The following ZFHX3 variants were observed in gnomAD, a reference collection of about 807,000 sequenced individuals.
ZFHX3 encodes zinc finger homeobox protein 3.
In ZFHX3, 42 loss-of-function variants were observed where a neutral mutation model predicts 279.1. The observed-to-expected ratio is 0.15, with a 90% CI of 0.12 to 0.19. The LOEUF (loss-of-function observed/expected upper bound fraction) is 0.19. ZFHX3 is among the 10% of genes least tolerant of loss of function. The pLI, the probability that ZFHX3 is intolerant of heterozygous loss-of-function variation, is 1.00. For missense variants in ZFHX3, 4,981 were observed against 4,754.0 expected (o/e 1.05, Z -1.40); for synonymous variants, 2,293 against 1,957.8 (o/e 1.17, Z -4.52).
At chr16:73,256,982 T>G (rs909142872) in intron 5 of ZFHX3, 1 of 151,950 alleles carries the variant, frequency 6.6e-6, no homozygotes, top group South Asian at 2.1e-4. Flanking sequence ...AAACAACTGG[T>G]GAGAACTTCA....
chr16:73,219,710 T>G (rs1385052600), intron 5 of ZFHX3, among the ~76,000 whole-genome samples: 1 of 152,198 alleles, frequency 6.6e-6, no homozygotes, highest in Non-Finnish European at 1.5e-5. Flanking sequence ...TGGTCCTATC[T>G]TGGAATCAGG....
intron 8 of ZFHX3, among the ~76,000 whole-genome samples, chr16:73,073,859 T>A (rs1193657941): frequency 1.3e-5 from 2 of 152,230 alleles, no homozygotes; most frequent in African/African-American, 2.4e-5. Flanking sequence ...GAAATTATTG[T>A]TGTGGCTTTT....
intron 5 of ZFHX3, among the ~76,000 whole-genome samples, chr16:73,150,343 T>C (rs773941043): frequency 3.9e-5 from 6 of 152,186 alleles, no homozygotes; most frequent in Non-Finnish European, 7.3e-5. Context: ...TGAAGTAAGA[T>C]GGCCCTGGGT....
chr16:73,325,898 C>A (rs1004249718), intron 3 of ZFHX3, among the ~76,000 whole-genome samples: 2 of 129,676 alleles, frequency 1.5e-5, no homozygotes, highest in East Asian at 2.2e-4. Flanking sequence ...AATACACACA[C>A]ACAAACACAC....
intron 4 of ZFHX3, among the ~76,000 whole-genome samples, chr16:73,306,468 C>A (rs538411511): frequency 1.3e-5 from 2 of 150,520 alleles, no homozygotes; most frequent in African/African-American, 2.4e-5. Context: ...TACAGGTGCC[C>A]GCCACCACAC....
In ZFHX3 at chr16:72,794,541, G is replaced by C. The variant is rs1346767761; in HGVS notation, c.8141C>G (p.Pro2714Arg). Residue 2714 changes from proline to arginine, a missense_variant, in exon 9 of 10, where the codon CCT (proline) becomes CGT (arginine). Pro to Arg is a moderately radical substitution (Grantham distance 103). Transcript: ENST00000268489. This position sits in a 1 kb window ranked among gnomAD's most constrained non-coding sequence, Gnocchi z 4.2. ...GGCTTTGAAGAGCGCTCTGCAAAAA[G>C]GGCATCTCCTGTGGGCCTGCGCTGG... ...VGPAQAHRRC[P>R]FCRALFKAKT... The C allele has an allele frequency of 1.2e-6, 2 of 1,614,066 alleles. No individual in the cohort carries two copies. Among genetic ancestry groups the C allele is most frequent in the South Asian group, 2.2e-5 (2 of 91,086 alleles).
intron 5 of ZFHX3, among the ~76,000 whole-genome samples, chr16:72,816,702 TGGCCAACTAAAACTCACAAAGACAAATAC>T (rs1408941573): frequency 6.6e-6 from 1 of 152,218 alleles, no homozygotes; most frequent in African/African-American, 2.4e-5. Flanking sequence ...TGTGATGAGT[TGGCCAACTAAAACTCACAAAGACAAATAC>T]TGAGAGAAAC....
chr16:73,291,440 C>A (rs999053068), intron 4 of ZFHX3, among the ~76,000 whole-genome samples: 10 of 152,178 alleles, frequency 6.6e-5, no homozygotes, highest in African/African-American at 2.4e-4. Flanking sequence ...TGAGATTATA[C>A]GCCAGTCCTC....
At chr16:73,359,960 C>T (rs1424904833) in intron 3 of ZFHX3, among the ~76,000 whole-genome samples, 1 of 151,928 alleles carries the variant, frequency 6.6e-6, no homozygotes, top group Non-Finnish European at 1.5e-5. Context: ...AAGAATTACC[C>T]ACCTGAACCT....
intron 1 of ZFHX3, among the ~76,000 whole-genome samples, chr16:73,713,282 G>A (rs899446287): frequency 4.6e-5 from 7 of 152,106 alleles, no homozygotes; most frequent in Admixed American, 6.5e-5. Context: ...AAAGAGCTGC[G>A]AATTCATTAA....
At chr16:72,918,398 T>C (rs2039495894) in intron 3 of ZFHX3, among the ~76,000 whole-genome samples, 1 of 152,186 alleles carries the variant, frequency 6.6e-6, no homozygotes, top group South Asian at 2.1e-4. Context: ...ACTACGCAGC[T>C]ATTAAAAATT....
At chr16:73,768,831 G>A (rs1567404254) in intron 1 of ZFHX3, among the ~76,000 whole-genome samples, 1 of 152,138 alleles carries the variant, frequency 6.6e-6, no homozygotes, top group Non-Finnish European at 1.5e-5. Flanking sequence ...GCATTGCACT[G>A]AGAGAAACTG....
Position 72,797,954 on chromosome 16 carries a change from G to A in ZFHX3, c.4728C>T (p.Ala1576=), listed in dbSNP as rs768983543. The change falls in exon 9 of 10, where the codon GCC becomes GCT. Residue 1576 remains alanine (A), a synonymous_variant. Coordinates refer to ENST00000268489, the MANE Select transcript of ZFHX3 (RefSeq NM_006885.4). ...SVSHLHKLKR[A]LQESATGQPE... is the part of the protein sequence containing the mutation. The stretch of plus-strand genomic sequence containing the variant: ...GCTGACCGGTTGCTGATTCTTGAAG[G>A]GCTCTCTTTAACTTATGCAGGTGGG... The A allele has an allele frequency of 1.2e-6, 2 of 1,614,176 alleles. No individual in the cohort carries two copies. Among genetic ancestry groups the A allele is most frequent in the Non-Finnish European group, 8.5e-7 (1 of 1,180,046 alleles).
intron 3 of ZFHX3, among the ~76,000 whole-genome samples, chr16:73,373,511 C>T (rs1452086104): frequency 6.6e-6 from 1 of 152,188 alleles, no homozygotes; most frequent in Non-Finnish European, 1.5e-5. Context: ...GATGTGGAAA[C>T]TCCCCGGGGA....
chr16:72,990,008 C>T (rs1287287868), intron 1 of ZFHX3, among the ~76,000 whole-genome samples: 1 of 152,190 alleles, frequency 6.6e-6, no homozygotes, highest in African/African-American at 2.4e-5. Flanking sequence ...AGCCAATTCG[C>T]TGGCCCTCTC....
At chr16:73,362,199 A>T (rs1235662691) in intron 3 of ZFHX3, among the ~76,000 whole-genome samples, 1 of 152,200 alleles carries the variant, frequency 6.6e-6, no homozygotes, top group African/African-American at 2.4e-5. Flanking sequence ...GAATATTTGT[A>T]TCTGGGGAGA....
chr16:73,078,354 G>A (rs1475495081), intron 8 of ZFHX3, among the ~76,000 whole-genome samples: 1 of 152,126 alleles, frequency 6.6e-6, no homozygotes, highest in Non-Finnish European at 1.5e-5. Flanking sequence ...CACAAAGGTG[G>A]CATCCTTGAA....
chr16:73,372,605 G>T (rs960126834), intron 3 of ZFHX3, among the ~76,000 whole-genome samples: 6 of 152,190 alleles, frequency 3.9e-5, no homozygotes, highest in African/African-American at 7.2e-5. Flanking sequence ...ATGACAACTT[G>T]CTCCTCTAGG....
intron 3 of ZFHX3, among the ~76,000 whole-genome samples, chr16:73,427,998 T>C (rs2017842192): frequency 6.6e-6 from 1 of 152,046 alleles, no homozygotes. Context: ...TTTATTTAAG[T>C]GGGACACAAA....
Sources: allele counts gnomAD v4.1 joint callset (sites outside exome capture counted in the v4.1 genomes callset), GRCh38; gene constraint gnomAD v4.1.1; non-coding constraint Gnocchi (gnomAD v3.1); transcripts MANE v1.5; gene names NCBI Gene and HGNC (gene_info 2026-07-23, HGNC 2026-07-21).